Variants in MYT1L observed in about 807,000 individuals in gnomAD.
MYT1L encodes myelin transcription factor 1-like protein.
Under a neutral mutation model 126.7 loss-of-function variants are expected in MYT1L, and 12 were observed. The ratio of observed to expected loss-of-function variants is 0.09; its 90% CI spans 0.06 to 0.15. MYT1L has a LOEUF of 0.15. MYT1L is among the 10% of genes least tolerant of loss of function. The pLI is 1.00. For synonymous variants in MYT1L, 541 were observed against 604.2 expected, an observed-to-expected ratio of 0.90 and a Z score of 1.53; for missense variants, 979 against 1,585.2, an observed-to-expected ratio of 0.62 and a Z score of 6.49.
intron 3 of MYT1L, among the ~76,000 whole-genome samples, chr2:2,151,043 C>T (rs997704263): frequency 6.6e-6 from 1 of 152,120 alleles, no homozygotes; most frequent in Non-Finnish European, 1.5e-5. Context: ...AAATGCTATA[C>T]TAAGCACCTC....
intron 18 of MYT1L, among the ~76,000 whole-genome samples, chr2:1,875,506 C>T (rs4853825): frequency 0.31 from 46,521 of 152,080 alleles, 8,442 homozygotes; most frequent in African/African-American, 0.51. Flanking sequence ...TGAAATACTT[C>T]GCACATCTCT....
chr2:2,248,037 A>G (rs967601295), intron 2 of MYT1L, among the ~76,000 whole-genome samples: 6 of 152,112 alleles, frequency 3.9e-5, no homozygotes, highest in African/African-American at 1.4e-4. Context: ...TAATAAAGAT[A>G]AAAGCAGAAA....
intron 8 of MYT1L, among the ~76,000 whole-genome samples, chr2:1,945,915 A>C (rs1020522524): frequency 6.6e-6 from 1 of 152,166 alleles, no homozygotes; most frequent in African/African-American, 2.4e-5. Flanking sequence ...AAGGGAAGAG[A>C]AACAATTTTA....
intron 5 of MYT1L, among the ~76,000 whole-genome samples, chr2:1,994,482 C>A (rs1435603377): frequency 6.6e-6 from 1 of 152,218 alleles, no homozygotes; most frequent in Non-Finnish European, 1.5e-5. Flanking sequence ...ACTGACTCCA[C>A]CCCTGGGCCG....
intron 4 of MYT1L, among the ~76,000 whole-genome samples, chr2:2,006,322 C>T (rs1191604210): frequency 6.6e-6 from 1 of 152,094 alleles, no homozygotes; most frequent in African/African-American, 2.4e-5. Flanking sequence ...AGAATGCTTA[C>T]TATAGTGAAA....
intron 18 of MYT1L, among the ~76,000 whole-genome samples, chr2:1,875,608 C>T (rs923066518): frequency 1.1e-4 from 16 of 152,200 alleles, no homozygotes; most frequent in Non-Finnish European, 1.5e-4. Context: ...GCCTCACTGC[C>T]GTTCTGTCTC....
At chr2:1,964,294 T>A (rs563181883) in intron 8 of MYT1L, among the ~76,000 whole-genome samples, 12 of 152,272 alleles carry the variant, frequency 7.9e-5, no homozygotes, top group African/African-American at 2.9e-4. Flanking sequence ...CCATCAAAGA[T>A]TACTGACCAC....
chr2:1,807,998 T>C (rs2035982405), intron 22 of MYT1L, among the ~76,000 whole-genome samples: 1 of 152,114 alleles, frequency 6.6e-6, no homozygotes. Context: ...TATTAGGGCT[T>C]TTCCCACTTT....
chr2:2,217,599 G>A (rs922204221), intron 2 of MYT1L, among the ~76,000 whole-genome samples: 1 of 150,548 alleles, frequency 6.6e-6, no homozygotes, highest in Non-Finnish European at 1.5e-5. Context: ...CAGGAGAATT[G>A]CTTGAACTTG....
At chr2:2,258,075 C>G (rs1411232635) in intron 2 of MYT1L, among the ~76,000 whole-genome samples, 1 of 78,496 alleles carries the variant, frequency 1.3e-5, no homozygotes, top group Non-Finnish European at 2.4e-5. Context: ...ACAGAGCCCT[C>G]AGAAATAATG....
chr2:1,903,428 C>CT (rs1245437961), intron 13 of MYT1L, 134 bp from the exon 14 acceptor site: 1 of 697,750 alleles, frequency 1.4e-6, no homozygotes, highest in East Asian at 2.7e-5. Flanking sequence ...AAAACTACAA[C>CT]TTTTTTATTT....
At chr2:2,026,471 G>T (rs566161001) in intron 4 of MYT1L, among the ~76,000 whole-genome samples, 1 of 152,196 alleles carries the variant, frequency 6.6e-6, no homozygotes, top group African/African-American at 2.4e-5. Flanking sequence ...CAACTGTTCC[G>T]CAGACAGAAA....
Position 1,922,740 on chromosome 2 carries a change from C to A in MYT1L, c.1029G>T (p.Glu343Asp). 1 of 1,613,956 alleles carries A rather than the reference C, an allele frequency of 6.2e-7. No homozygotes were observed. The highest frequency in any genetic ancestry group is 8.5e-7 in the Non-Finnish European group (1 of 1,179,908). ...GCGGATTCCTCTCCTGCGGGTTGGT[C>A]TCACTGAGCTTCCTGGCCAGGTCGA... ...QCFDLARKLS[E>D]TNPQERNPQQ... The change falls in exon 10 of 25, where the codon GAG (glutamate) becomes GAT (aspartate). Residue 343 changes from glutamate (E) to aspartate (D), a missense_variant. Glu to Asp is a conservative substitution (Grantham distance 45). Around this residue, in one of 12 missense-constraint regions of MYT1L, gnomAD observed 243 missense variants for 363.9 expected, o/e 0.67. Transcript: ENST00000647738. This position sits in a 1 kb window ranked among gnomAD's most constrained non-coding sequence, Gnocchi z 7.4.
chr2:1,914,308 C>G (rs2052503705), intron 11 of MYT1L, among the ~76,000 whole-genome samples: 1 of 152,058 alleles, frequency 6.6e-6, no homozygotes, highest in Non-Finnish European at 1.5e-5. Context: ...CCCTGCAGTT[C>G]TTCCTCTCAG....
intron 2 of MYT1L, among the ~76,000 whole-genome samples, chr2:2,207,240 A>G (rs1443935274): frequency 6.6e-6 from 1 of 152,232 alleles, no homozygotes; most frequent in Middle Eastern, 3.2e-3. Flanking sequence ...CATGATTACT[A>G]TGAATAACAA....
At chr2:2,021,112 G>A (rs1282425614) in intron 4 of MYT1L, among the ~76,000 whole-genome samples, 3 of 152,214 alleles carry the variant, frequency 2.0e-5, no homozygotes, top group Non-Finnish European at 2.9e-5. Context: ...CTTTAGAAGG[G>A]TGGGGAGCTT....
At chr2:2,252,284 T>C (rs1461800082) in intron 2 of MYT1L, among the ~76,000 whole-genome samples, 2 of 152,156 alleles carry the variant, frequency 1.3e-5, no homozygotes, top group Non-Finnish European at 2.9e-5. Context: ...AAATTCCCCC[T>C]GAATACCAGC....
intron 23 of MYT1L, among the ~76,000 whole-genome samples, chr2:1,796,667 C>T (rs909314139): frequency 6.6e-6 from 1 of 151,170 alleles, no homozygotes; most frequent in Non-Finnish European, 1.5e-5. Flanking sequence ...GTTTGGGCCA[C>T]GGGGGGCAGC....
At chr2:2,027,952 T>C (rs1347274496) in intron 4 of MYT1L, among the ~76,000 whole-genome samples, 1 of 152,224 alleles carries the variant, frequency 6.6e-6, no homozygotes, top group Non-Finnish European at 1.5e-5. Flanking sequence ...AGAATGTCAC[T>C]GTGTTATTAT....
Sources: gnomAD v4.1 joint callset for allele counts (sites outside exome capture counted in the v4.1 genomes callset) on GRCh38, gnomAD v4.1.1 for gene constraint, gnomAD v4.1.1 regional missense constraint, Gnocchi (gnomAD v3.1) non-coding constraint, MANE v1.5 for transcripts, NCBI Gene and HGNC (gene_info 2026-07-23, HGNC 2026-07-21) for gene names.